FRMPD4: variants seen among roughly 807,000 people sequenced by gnomAD.
FRMPD4 encodes FERM and PDZ domain containing 4.
A neutral mutation model predicts 94.1 loss-of-function variants in FRMPD4; 22 were observed. The ratio of observed to expected loss-of-function variants is 0.23; its 90% confidence interval spans 0.17 to 0.33. FRMPD4 has a LOEUF of 0.33. Ranked by LOEUF, FRMPD4 falls within the 10% of genes least tolerant of loss-of-function variation. FRMPD4 has a pLI of 1.00. For synonymous variants in FRMPD4, 631 were observed against 548.6 expected (o/e 1.15, Z -2.10); for missense variants, 1,111 against 1,339.9 (o/e 0.83, Z 2.67).
Position 12,337,262 on chromosome X carries a change from C to T in FRMPD4, c.42-161418C>T, listed in dbSNP as rs181741565. ...AGAGACTTTTCTGTTTATTCATTAGCTCAATATTTTTTAATTGCAAAAATT... is the reference window on the plus strand; with the variant it reads ...AGAGACTTTTCTGTTTATTCATTAGTTCAATATTTTTTAATTGCAAAAATT... On this transcript the variant is annotated intron_variant, in intron 1 of 16. Transcript: ENST00000675598. 5.2e-4 allele frequency among the ~76,000 whole-genome samples: 58 copies of T among 111,709 alleles called. No homozygotes were observed. The East Asian group carries it at 0.015, about 30-fold the overall frequency.
chrX:12,452,734 A>G (rs1407419620), intron 1 of FRMPD4, among the ~76,000 whole-genome samples: 3 of 112,530 alleles, frequency 2.7e-5, no homozygotes, highest in Non-Finnish European at 5.6e-5. Context: ...AAACAGGTCC[A>G]TGATTCAGTA....
At chrX:12,016,625 A>G (rs756241079) in intron 3 of FRMPD4, among the ~76,000 whole-genome samples, 9 of 112,227 alleles carry the variant, frequency 8.0e-5, no homozygotes, top group Non-Finnish European at 1.1e-4. Flanking sequence ...AATTACATGG[A>G]GCACTATCCT....
intron 1 of FRMPD4, among the ~76,000 whole-genome samples, chrX:12,166,295 T>A (rs1407313713): frequency 8.9e-6 from 1 of 112,324 alleles, no homozygotes; most frequent in Non-Finnish European, 1.9e-5. Context: ...CTTTTCTGCA[T>A]CTATTGAGAT....
upstream of FRMPD4, among the ~76,000 whole-genome samples, chrX:12,137,593 G>C (rs899478387): frequency 9.0e-6 from 1 of 111,710 alleles, no homozygotes; most frequent in Non-Finnish European, 1.9e-5. Flanking sequence ...GGATTGTGGA[G>C]AAGAGGCCTT....
intron 1 of FRMPD4, among the ~76,000 whole-genome samples, chrX:12,488,123 A>G (rs995539720): frequency 8.9e-6 from 1 of 111,877 alleles, no homozygotes; most frequent in African/African-American, 3.2e-5. Flanking sequence ...CAGGTTTACT[A>G]TAAACACCTG....
At chrX:11,975,341 C>T (rs982095679) in intron 3 of FRMPD4, among the ~76,000 whole-genome samples, 2 of 112,291 alleles carry the variant, frequency 1.8e-5, no homozygotes, top group East Asian at 5.6e-4. Flanking sequence ...CACACTGGGG[C>T]TTTGGAAAAT....
intron 1 of FRMPD4, among the ~76,000 whole-genome samples, chrX:12,312,273 G>A (rs5935296): frequency 1.6e-5 from 1 of 61,578 alleles, no homozygotes; most frequent in African/African-American, 6.8e-5. Flanking sequence ...TTTTTTTGGA[G>A]ATGGAGTCTC....
intron 3 of FRMPD4, among the ~76,000 whole-genome samples, chrX:12,110,629 T>G (rs1343302506): frequency 1.8e-5 from 2 of 111,369 alleles, no homozygotes; most frequent in East Asian, 5.6e-4. Context: ...GAAGCCAAAT[T>G]GTCCCTGTTT....
intron 3 of FRMPD4, among the ~76,000 whole-genome samples, chrX:11,931,060 A>G (rs1213524277): frequency 9.0e-6 from 1 of 111,476 alleles, no homozygotes; most frequent in African/African-American, 3.3e-5. Context: ...TAACCAGTTC[A>G]TGACTAAAGA....
chrX:12,365,022 A>G (rs1191327430), intron 1 of FRMPD4, among the ~76,000 whole-genome samples: 1 of 112,589 alleles, frequency 8.9e-6, no homozygotes, highest in Non-Finnish European at 1.9e-5. Context: ...CTGCTGAGAC[A>G]TGGCCCTTAA....
At chrX:11,890,355 T>C (rs187059538) in intron 3 of FRMPD4, among the ~76,000 whole-genome samples, 2 of 111,452 alleles carry the variant, frequency 1.8e-5, no homozygotes, top group Non-Finnish European at 3.8e-5. Context: ...AATCAGAATC[T>C]GCCTTTCCCA....
intron 1 of FRMPD4, among the ~76,000 whole-genome samples, chrX:12,456,510 C>T (rs1028516447): frequency 8.0e-5 from 9 of 111,949 alleles, no homozygotes; most frequent in African/African-American, 2.9e-4. Context: ...CCCCCTCCTC[C>T]AATCTTCCTT....
chrX:12,368,455 G>A (rs147880851), intron 1 of FRMPD4, among the ~76,000 whole-genome samples: 3,050 of 111,171 alleles, frequency 0.027, 110 homozygotes, highest in African/African-American at 0.094. Context: ...AGGGAATACA[G>A]AAATAAAAAG....
intron 2 of FRMPD4, among the ~76,000 whole-genome samples, chrX:12,512,104 G>A (rs2058049121): frequency 8.9e-6 from 1 of 112,395 alleles, no homozygotes; most frequent in Non-Finnish European, 1.9e-5. Context: ...ATGATTTGCT[G>A]AAGGCTCAGA....
chrX:11,830,363 A>G (rs1260452454), intron 1 of FRMPD4, among the ~76,000 whole-genome samples: 4 of 111,965 alleles, frequency 3.6e-5, no homozygotes, highest in Non-Finnish European at 7.5e-5. Flanking sequence ...TATGTAAACT[A>G]CACTGTTATA....
intron 1 of FRMPD4, among the ~76,000 whole-genome samples, chrX:12,354,008 G>A (rs887942494): frequency 8.9e-6 from 1 of 111,839 alleles, no homozygotes; most frequent in Non-Finnish European, 1.9e-5. Flanking sequence ...AACGTGCCAG[G>A]ATCATATTTC....
At chrX:12,647,415 G>T (rs2059557948) in intron 4 of FRMPD4, among the ~76,000 whole-genome samples, 1 of 111,823 alleles carries the variant, frequency 8.9e-6, no homozygotes, top group Non-Finnish European at 1.9e-5. Flanking sequence ...TCAGTTGAGT[G>T]GTGAGGGAGT....
intron 1 of FRMPD4, among the ~76,000 whole-genome samples, chrX:11,832,240 C>A (rs1356170863): frequency 9.0e-6 from 1 of 111,682 alleles, no homozygotes; most frequent in African/African-American, 3.3e-5. Context: ...TTAACAGATA[C>A]CGGATTTGCC....
intron 1 of FRMPD4, among the ~76,000 whole-genome samples, chrX:12,291,680 A>G (rs769680690): frequency 9.0e-6 from 1 of 111,703 alleles, no homozygotes; most frequent in Non-Finnish European, 1.9e-5. Flanking sequence ...TTTCCTCACT[A>G]GGGATCACAT....
Sources: gnomAD v4.1 joint callset for allele counts (sites outside exome capture counted in the v4.1 genomes callset) on GRCh38, gnomAD v4.1.1 for gene constraint, MANE v1.5 for transcripts, NCBI Gene and HGNC (gene_info 2026-07-23, HGNC 2026-07-21) for gene names.